The following BCL2 variants were observed in gnomAD, a reference collection of about 807,000 sequenced individuals.
The protein encoded by BCL2 is apoptosis regulator Bcl-2.
Under a neutral mutation model 14.2 loss-of-function variants are expected in BCL2, and 1 was observed. That is an observed-to-expected ratio of 0.07 (90% confidence interval 0.02 to 0.33). The LOEUF is 0.33. BCL2 is among the 10% of genes least tolerant of loss of function. The pLI is 0.99. For synonymous variants in BCL2, 151 were observed against 137.2 expected (o/e 1.10, Z -0.70); for missense variants, 247 against 305.9 (o/e 0.81, Z 1.44).
At chr18:63,253,217 G>A (rs915568960) in intron 2 of BCL2, among the ~76,000 whole-genome samples, 4 of 152,166 alleles carry the variant, frequency 2.6e-5, no homozygotes, top group African/African-American at 9.7e-5. Flanking sequence ...CTTAGCAGAT[G>A]AGCAGAAGGA....
chr18:63,128,959 C>T (rs1913989495), intron 2 of BCL2, among the ~76,000 whole-genome samples, 200 bp from the exon 3 acceptor site: 1 of 152,186 alleles, frequency 6.6e-6, no homozygotes, highest in Non-Finnish European at 1.5e-5. Flanking sequence ...TTTATTGAGA[C>T]CCTCTTTACG....
At chr18:63,274,515 C>T (rs971154113) in intron 2 of BCL2, among the ~76,000 whole-genome samples, 3 of 152,054 alleles carry the variant, frequency 2.0e-5, no homozygotes, top group African/African-American at 7.2e-5. Context: ...AAACTCCTGA[C>T]TTCAAGTGAT....
chr18:63,257,600 G>A (rs1216548384), intron 2 of BCL2, among the ~76,000 whole-genome samples: 3 of 152,220 alleles, frequency 2.0e-5, no homozygotes, highest in African/African-American at 7.2e-5. Context: ...ACAAATGACA[G>A]AGGATTTAAC....
chr18:63,182,453 G>A (rs1338181733), intron 2 of BCL2, among the ~76,000 whole-genome samples: 3 of 152,204 alleles, frequency 2.0e-5, no homozygotes, highest in African/African-American at 4.8e-5. Context: ...CGCATGGAGC[G>A]AGGATCCTAA....
intron 2 of BCL2, among the ~76,000 whole-genome samples, chr18:63,294,194 C>T (rs550225700): frequency 1.6e-4 from 24 of 152,024 alleles, no homozygotes; most frequent in African/African-American, 5.8e-4. Flanking sequence ...TTCATTCCAA[C>T]AGAAACGATG....
chr18:63,169,367 T>TTCTTTCTTTCTC (rs1568222672), intron 2 of BCL2, among the ~76,000 whole-genome samples: 1 of 32,494 alleles, frequency 3.1e-5, no homozygotes, highest in Non-Finnish European at 8.4e-5. Flanking sequence ...CTTTCTTTCT[T>TTCTTTCTTTCTC]TCTCTTTCTT....
intron 2 of BCL2, among the ~76,000 whole-genome samples, chr18:63,307,394 A>G (rs1000144522): frequency 6.6e-6 from 1 of 152,270 alleles, no homozygotes; most frequent in Non-Finnish European, 1.5e-5. Context: ...CACATTAACC[A>G]GACAAAGCAT....
intron 2 of BCL2, among the ~76,000 whole-genome samples, chr18:63,247,605 G>A (rs140444136): frequency 1.6e-4 from 25 of 152,254 alleles, no homozygotes; most frequent in Non-Finnish European, 2.6e-4. Flanking sequence ...AGGTTTTCTG[G>A]GCATAGGTAG....
chr18:63,234,257 T>G (rs576377104), intron 2 of BCL2, among the ~76,000 whole-genome samples: 1 of 152,224 alleles, frequency 6.6e-6, no homozygotes, highest in Non-Finnish European at 1.5e-5. Context: ...CCCCCTCCAA[T>G]AGGCCCCAGT....
chr18:63,130,965 T>C (rs1181792873), intron 2 of BCL2, among the ~76,000 whole-genome samples: 1 of 152,074 alleles, frequency 6.6e-6, no homozygotes, highest in African/African-American at 2.4e-5. Flanking sequence ...CTGAGAGTGA[T>C]CCTGTCCCCC....
chr18:63,133,926 C>T (rs772047196), intron 2 of BCL2, among the ~76,000 whole-genome samples: 4 of 152,182 alleles, frequency 2.6e-5, no homozygotes, highest in Non-Finnish European at 5.9e-5. Flanking sequence ...AGCGCGTCCA[C>T]ATGATGGAGT....
At chr18:63,212,464 C>T (rs1027445108) in intron 2 of BCL2, among the ~76,000 whole-genome samples, 11 of 151,736 alleles carry the variant, frequency 7.2e-5, no homozygotes, top group African/African-American at 2.7e-4. Context: ...GTGAAGTAGA[C>T]AGTCTCATTT....
chr18:63,295,630 G>T (rs938293599), intron 2 of BCL2, among the ~76,000 whole-genome samples: 7 of 152,278 alleles, frequency 4.6e-5, no homozygotes, highest in Middle Eastern at 6.8e-3. Context: ...CGGGTCAGAA[G>T]AATACAACCC....
At chr18:63,130,710 G>A (rs893773112) in intron 2 of BCL2, among the ~76,000 whole-genome samples, 3 of 152,010 alleles carry the variant, frequency 2.0e-5, no homozygotes, top group African/African-American at 7.2e-5. Context: ...CATGTTTATA[G>A]TGTTTAAAAC....
chr18:63,270,126 C>T (rs951653244), intron 2 of BCL2, among the ~76,000 whole-genome samples: 7 of 150,066 alleles, frequency 4.7e-5, no homozygotes, highest in African/African-American at 7.3e-5. Flanking sequence ...AAAAAGCTGA[C>T]GAGTATTCAT....
In BCL2 at chr18:63,317,523, G is replaced by C. The variant is rs529576128; in HGVS notation, c.585+559C>G. On this transcript the variant is annotated intron_variant, in intron 2 of 2. Coordinates refer to ENST00000333681, the MANE Select transcript of BCL2 (RefSeq NM_000633.3). ...CACAACTAAGTTTTTCAGGGAAAAA[G>C]ACTTACATTGGTTTTCCTCTTTTGG... 4.1e-6 allele frequency: 4 copies of C among 981,346 alleles called. No homozygotes were observed. In the East Asian group the frequency reaches 3.4e-4, roughly 84 times the overall value. The allele number at this position is 981,346 out of a possible 1,614,324, so 60.8% of individuals were successfully genotyped here.
At chr18:63,254,554 T>TA (rs1163112806) in intron 2 of BCL2, among the ~76,000 whole-genome samples, 149 of 145,948 alleles carry the variant, frequency 1.0e-3, no homozygotes, top group East Asian at 3.1e-3. Flanking sequence ...GACCCTGCCT[T>TA]AAAAAAAAAA....
intron 2 of BCL2, among the ~76,000 whole-genome samples, chr18:63,217,835 T>C (rs1910247742): frequency 6.6e-6 from 1 of 152,212 alleles, no homozygotes; most frequent in Admixed American, 6.5e-5. Flanking sequence ...GTTTACTACG[T>C]TCTAGGTTTA....
intron 2 of BCL2, among the ~76,000 whole-genome samples, chr18:63,213,111 C>A (rs1223725478): frequency 1.3e-5 from 2 of 152,194 alleles, no homozygotes; most frequent in Non-Finnish European, 2.9e-5. Context: ...CCTGCTGGTT[C>A]TCTGTGTTAC....
Sources: allele counts gnomAD v4.1 joint callset (sites outside exome capture counted in the v4.1 genomes callset), GRCh38; gene constraint gnomAD v4.1.1; transcripts MANE v1.5; gene names NCBI Gene and HGNC (gene_info 2026-07-23, HGNC 2026-07-21).